Variants in PRKG1 observed in about 807,000 individuals in gnomAD.
PRKG1 encodes cGMP-dependent protein kinase 1.
In PRKG1, 35 loss-of-function variants were observed where a neutral mutation model predicts 88.1. The ratio of observed to expected loss-of-function variants is 0.40; its 90% CI spans 0.30 to 0.53. The LOEUF (loss-of-function observed/expected upper bound fraction) is 0.53. Among genes scored for constraint, PRKG1 ranks in the 20% least tolerant of loss-of-function variants. PRKG1 has a pLI of 0.59. For synonymous variants in PRKG1, 303 were observed against 292.5 expected (o/e 1.04, Z -0.37); for missense variants, 540 against 839.8 (o/e 0.64, Z 4.41).
chr10:51,818,117 AT>A (rs1220622737), intron 4 of PRKG1, among the ~76,000 whole-genome samples: 1 of 152,230 alleles, frequency 6.6e-6, no homozygotes, highest in African/African-American at 2.4e-5. Context: ...TATATGGGAC[AT>A]ATAGAATTAA....
chr10:51,003,398 G>A (rs1274255632), intron 1 of PRKG1, among the ~76,000 whole-genome samples: 3 of 152,190 alleles, frequency 2.0e-5, no homozygotes, highest in African/African-American at 7.2e-5. Context: ...AGGGCATCAC[G>A]AGAGGTGTCC....
chr10:51,347,684 G>A (rs760196174), intron 2 of PRKG1, among the ~76,000 whole-genome samples: 1 of 152,050 alleles, frequency 6.6e-6, no homozygotes, highest in Non-Finnish European at 1.5e-5. Flanking sequence ...TACAATCATC[G>A]TTCTTCTTGA....
At chr10:51,350,273 T>C (rs1842211401) in intron 2 of PRKG1, among the ~76,000 whole-genome samples, 2 of 152,114 alleles carry the variant, frequency 1.3e-5, no homozygotes, top group Non-Finnish European at 2.9e-5. Flanking sequence ...CATTGAAAGC[T>C]CAAACATCCC....
chr10:51,274,225 A>G (rs1840056521), intron 2 of PRKG1, among the ~76,000 whole-genome samples: 2 of 152,340 alleles, frequency 1.3e-5, no homozygotes, highest in South Asian at 4.1e-4. Flanking sequence ...ACCTCAAAGT[A>G]ATCACCACTT....
At chr10:51,929,875 A>T (rs538638208) in intron 5 of PRKG1, among the ~76,000 whole-genome samples, 3 of 152,338 alleles carry the variant, frequency 2.0e-5, no homozygotes, top group Admixed American at 2.0e-4. Context: ...TGTTGCACAG[A>T]ACACCATGAA....
At chr10:52,006,816 C>T (rs536438845) in intron 5 of PRKG1, among the ~76,000 whole-genome samples, 7 of 152,178 alleles carry the variant, frequency 4.6e-5, no homozygotes, top group African/African-American at 1.4e-4. Context: ...TCCTAAGTGA[C>T]ATAATGATTA....
At chr10:51,435,136 G>A (rs540758690) in intron 2 of PRKG1, among the ~76,000 whole-genome samples, 2 of 152,124 alleles carry the variant, frequency 1.3e-5, no homozygotes, top group Admixed American at 1.3e-4. Context: ...GAGGAGTTTG[G>A]TATGAAATGT....
At chr10:52,085,274 T>G (rs924739483) in intron 7 of PRKG1, among the ~76,000 whole-genome samples, 3 of 136,654 alleles carry the variant, frequency 2.2e-5, no homozygotes, top group African/African-American at 8.1e-5. Flanking sequence ...TCCCTCCCAC[T>G]TTGATTTAGC....
chr10:51,278,456 A>T (rs1310225864), intron 2 of PRKG1, among the ~76,000 whole-genome samples: 2 of 152,166 alleles, frequency 1.3e-5, no homozygotes, highest in Admixed American at 1.3e-4. Context: ...TATTAGGATG[A>T]TGCTGGCCTC....
intron 3 of PRKG1, among the ~76,000 whole-genome samples, chr10:51,777,169 C>T (rs1331680748): frequency 1.3e-5 from 2 of 151,934 alleles, no homozygotes; most frequent in Non-Finnish European, 2.9e-5. Context: ...GTGATAAGTA[C>T]CTGTTTGGTG....
At chr10:51,502,347 C>T (rs537174165) in intron 3 of PRKG1, among the ~76,000 whole-genome samples, 1 of 152,272 alleles carries the variant, frequency 6.6e-6, no homozygotes, top group Non-Finnish European at 1.5e-5. Context: ...GGTTCTTGTG[C>T]TCAGTTTCAT....
chr10:52,291,340 G>C (rs1452210942), intron 17 of PRKG1, among the ~76,000 whole-genome samples: 2 of 150,940 alleles, frequency 1.3e-5, no homozygotes, highest in East Asian at 3.9e-4. Context: ...GTGCCATGCT[G>C]GTGTGCTGCA....
intron 2 of PRKG1, among the ~76,000 whole-genome samples, chr10:51,369,566 G>A (rs1480305289): frequency 6.6e-6 from 1 of 152,112 alleles, no homozygotes; most frequent in Non-Finnish European, 1.5e-5. Flanking sequence ...CAGAGGGGCT[G>A]TAGGGTGTAG....
chr10:51,193,490 T>G (rs1047932730), intron 2 of PRKG1, among the ~76,000 whole-genome samples: 17 of 152,166 alleles, frequency 1.1e-4, no homozygotes, highest in African/African-American at 3.4e-4. Flanking sequence ...TTATTTGCAT[T>G]TTATCATGCT....
chr10:51,506,833 T>C (rs1010629837), intron 3 of PRKG1, among the ~76,000 whole-genome samples: 15 of 152,110 alleles, frequency 9.9e-5, no homozygotes, highest in African/African-American at 3.4e-4. Flanking sequence ...ATCATGCTGC[T>C]ATAAAGACAT....
intron 2 of PRKG1, among the ~76,000 whole-genome samples, chr10:51,166,838 A>G (rs542435817): frequency 5.9e-5 from 9 of 152,298 alleles, no homozygotes; most frequent in African/African-American, 2.2e-4. Flanking sequence ...TGTGACTTTG[A>G]CAAGCGTATT....
At chr10:51,335,886 C>T (rs1446252020) in intron 2 of PRKG1, among the ~76,000 whole-genome samples, 1 of 152,138 alleles carries the variant, frequency 6.6e-6, no homozygotes, top group Non-Finnish European at 1.5e-5. Context: ...GATTAAGTTT[C>T]AAGAATCCCT....
At chr10:51,043,687 G>A (rs1488509872) in intron 1 of PRKG1, among the ~76,000 whole-genome samples, 1 of 152,064 alleles carries the variant, frequency 6.6e-6, no homozygotes, top group Non-Finnish European at 1.5e-5. Context: ...ACAAGAACAG[G>A]TCAATATCTG....
intron 9 of PRKG1, among the ~76,000 whole-genome samples, chr10:52,196,263 T>G (rs1432875512): frequency 6.6e-6 from 1 of 151,984 alleles, no homozygotes. Context: ...TGATCCGCCC[T>G]CCTCAGCCTC....
Sources: gnomAD v4.1 joint callset for allele counts (sites outside exome capture counted in the v4.1 genomes callset) on GRCh38, gnomAD v4.1.1 for gene constraint, MANE v1.5 for transcripts, NCBI Gene and HGNC (gene_info 2026-07-23, HGNC 2026-07-21) for gene names.